FBXO33: variants seen among roughly 807,000 people sequenced by gnomAD.
FBXO33 encodes F-box only protein 33.
A neutral mutation model predicts 46.3 loss-of-function variants in FBXO33; 22 were observed. The ratio of observed to expected loss-of-function variants is 0.48; its 90% CI spans 0.34 to 0.68. The LOEUF is 0.68. Among genes scored for constraint, FBXO33 ranks in the 30% least tolerant of loss-of-function variants. FBXO33 has a pLI of 0.01. For synonymous variants in FBXO33, 337 were observed against 291.3 expected (o/e 1.16, Z -1.60); for missense variants, 692 against 708.8 (o/e 0.98, Z 0.27).
chr14:39,401,399 A>T lies in FBXO33; in HGVS notation c.1173T>A (p.Ser391Arg), dbSNP rs773294620. The T allele has an allele frequency of 8.1e-6, 13 of 1,614,200 alleles. No individual in the cohort carries two copies. The Admixed American group carries it at 2.2e-4, about 27-fold the overall frequency. The stretch of plus-strand genomic sequence containing the variant: ...CAAAATGAATCCTCTCTAGTGGTAT[A>T]CTGGGTTTCAGAATCTTTAACATAT... ...SEDMLKILKPSIPLERIHFDS... is the reference protein window; with the variant it reads ...SEDMLKILKPRIPLERIHFDS... Residue 391 changes from serine (S) to arginine (R), a missense_variant, in exon 3 of 4, where the codon AGT becomes AGA. Physicochemically the swap from Ser to Arg is moderately radical, Grantham distance 110 (BLOSUM62 -1). Transcript: ENST00000298097.
chr14:39,398,933 T>C lies in FBXO33; in HGVS notation c.*583A>G, dbSNP rs2075356157. 6.6e-6 allele frequency: 1 copy of C among 152,276 alleles called. No individual in the cohort carries two copies. The allele number at this position is 152,276 out of a possible 1,614,324, so 9.4% of individuals were successfully genotyped here. On this transcript the variant is annotated 3_prime_UTR_variant, in exon 4 of 4. Coordinates refer to ENST00000298097, the MANE Select transcript of FBXO33 (RefSeq NM_203301.4). ...TTTTTTTTAAAAGGATTAAGCAATG[T>C]TCTAACCTAGTACTATACAAAATTC...
rs1362950476 is a variant in FBXO33, at chr14:39,399,503, C to T, written c.*13G>A. The T allele has an allele frequency of 6.3e-7, 1 of 1,597,404 alleles. No individual in the cohort carries two copies. The highest frequency in any genetic ancestry group is 2.2e-5 in the East Asian group (1 of 44,662). ...TGCATATGTAACCACAGGAATTCTA[C>T]ATTAAAAAAAAGCTAAATGTCTTCA... On this transcript the variant is annotated 3_prime_UTR_variant, in exon 4 of 4. Transcript: ENST00000298097.
chr14:39,431,815 G>A lies in FBXO33; in HGVS notation c.348C>T (p.Arg116=), dbSNP rs1434409273. ...GCCGAGGCTGCTCCGCGGGCGAGAC[G>A]CGGAGGCAGATGCGGAGCTGGGGCC... ...ALWPQLRICL[R]VSPAEQPRLE... is the part of the protein sequence containing the mutation. Residue 116 remains arginine, a synonymous_variant, in exon 1 of 4, where the codon CGC becomes CGT. Coordinates refer to ENST00000298097, the MANE Select transcript of FBXO33 (RefSeq NM_203301.4). The A allele has an allele frequency of 1.2e-6, 2 of 1,610,430 alleles. No individual in the cohort carries two copies. The highest frequency in any genetic ancestry group is 1.1e-5 in the South Asian group (1 of 90,996).
At position 39,431,915 on chromosome 14, in the gene FBXO33, A is replaced by C; in HGVS notation, c.248T>G (p.Leu83Arg). 1.9e-6 allele frequency: 3 copies of C among 1,539,694 alleles called. No homozygotes were observed. The highest frequency in any genetic ancestry group is 2.6e-6 in the Non-Finnish European group (3 of 1,149,002). Residue 83 changes from leucine (L) to arginine (R), a missense_variant, in exon 1 of 4, where the codon CTG (leucine) becomes CGG (arginine). Around this residue, in one of 3 missense-constraint regions of FBXO33, gnomAD observed 412 missense variants for 370.8 expected, o/e 1.11. Transcript: ENST00000298097. ...GGCCCGCAGCCGGTCGGGCGCCGGC[A>C]GAAAAGAGAAGATGTGCACGATCAG... is the stretch of plus-strand genomic sequence containing the variant. Reference protein sequence around the residue: ...SELIVHIFSFLPAPDRLRASA... With the variant: ...SELIVHIFSFRPAPDRLRASA...
chr14:39,426,322 C>T (rs1293718158), intron 1 of FBXO33, among the ~76,000 whole-genome samples: 1 of 152,012 alleles, frequency 6.6e-6, no homozygotes, highest in Non-Finnish European at 1.5e-5. Flanking sequence ...AAAATCCATC[C>T]ACTTTTTTTC....
At chr14:39,428,070 A>G (rs1029943883) in intron 1 of FBXO33, among the ~76,000 whole-genome samples, 3 of 152,202 alleles carry the variant, frequency 2.0e-5, no homozygotes, top group African/African-American at 4.8e-5. Context: ...ATCCTTTTTA[A>G]CTTACAGGAT....
At chr14:39,423,017 G>A (rs2075492895) in intron 1 of FBXO33, among the ~76,000 whole-genome samples, 1 of 152,108 alleles carries the variant, frequency 6.6e-6, no homozygotes, top group Admixed American at 6.5e-5. Context: ...AGCTACTCGG[G>A]AGGCTGAGGC....
chr14:39,416,972 C>G (rs765918264), intron 1 of FBXO33, among the ~76,000 whole-genome samples: 20 of 152,126 alleles, frequency 1.3e-4, no homozygotes, highest in Non-Finnish European at 2.4e-4. Context: ...TCACAGAGTA[C>G]TGTTTGCTGT....
chr14:39,404,211 A>G (rs79982649), intron 1 of FBXO33, among the ~76,000 whole-genome samples: 12,623 of 152,282 alleles, frequency 0.083, 1,141 homozygotes, highest in East Asian at 0.5. Flanking sequence ...TGTGCTATAT[A>G]CTAGAGACAC....
At chr14:39,406,817 G>A (rs916612080) in intron 1 of FBXO33, among the ~76,000 whole-genome samples, 1 of 152,132 alleles carries the variant, frequency 6.6e-6, no homozygotes, top group African/African-American at 2.4e-5. Flanking sequence ...AGGTAACACG[G>A]CTCACAACTA....
intron 1 of FBXO33, among the ~76,000 whole-genome samples, chr14:39,428,538 G>T (rs1002932358): frequency 6.6e-6 from 1 of 152,058 alleles, no homozygotes; most frequent in Admixed American, 6.6e-5. Context: ...AAAAAGTACT[G>T]CCCCTAACAG....
rs186396481 is a variant in FBXO33, at chr14:39,422,432, G to C, written c.599+9132C>G. The stretch of plus-strand genomic sequence containing the variant: ...ACTACAAGCTATTCCCAACACAGTA[G>C]CCAGACTGTTCCTTTTGAAATGTCA... On this transcript the variant is annotated intron_variant, in intron 1 of 3. Transcript: ENST00000298097. 3.5e-4 allele frequency among the ~76,000 whole-genome samples: 54 copies of C among 152,272 alleles called. No homozygotes were observed. In the East Asian group the frequency reaches 0.01, roughly 29 times the overall value.
intron 3 of FBXO33, among the ~76,000 whole-genome samples, chr14:39,400,007 C>T (rs543823677): frequency 3.3e-5 from 5 of 152,144 alleles, no homozygotes; most frequent in East Asian, 3.9e-4. Flanking sequence ...CAAGAGTTAC[C>T]GCTATAGGTG....
intron 1 of FBXO33, among the ~76,000 whole-genome samples, chr14:39,419,987 A>G (rs2075473002): frequency 6.6e-6 from 1 of 152,232 alleles, no homozygotes; most frequent in South Asian, 2.1e-4. Context: ...AAGAGAATGA[A>G]TTTCTTCTAC....
At chr14:39,405,653 A>G (rs1364768796) in intron 1 of FBXO33, among the ~76,000 whole-genome samples, 1 of 152,092 alleles carries the variant, frequency 6.6e-6, no homozygotes, top group Non-Finnish European at 1.5e-5. Flanking sequence ...GAAAAACTTG[A>G]TATCCAACAG....
intron 1 of FBXO33, among the ~76,000 whole-genome samples, chr14:39,413,837 T>C (rs1284753552): frequency 6.6e-6 from 1 of 152,206 alleles, no homozygotes; most frequent in Non-Finnish European, 1.5e-5. Flanking sequence ...AAATATTCAG[T>C]AAATCATGCT....
At chr14:39,421,325 G>C (rs1200091706) in intron 1 of FBXO33, among the ~76,000 whole-genome samples, 1 of 152,130 alleles carries the variant, frequency 6.6e-6, no homozygotes, top group Non-Finnish European at 1.5e-5. Context: ...ACCTTAAGGA[G>C]TATACGTGAT....
intron 1 of FBXO33, among the ~76,000 whole-genome samples, chr14:39,416,545 T>A (rs10139591): frequency 6.6e-6 from 1 of 152,150 alleles, no homozygotes; most frequent in Non-Finnish European, 1.5e-5. Flanking sequence ...TTTATTTTGC[T>A]CTGCTAATTT....
chr14:39,421,649 C>A (rs1166852904), intron 1 of FBXO33, among the ~76,000 whole-genome samples: 1 of 151,938 alleles, frequency 6.6e-6, no homozygotes, highest in Non-Finnish European at 1.5e-5. Flanking sequence ...ACAGACTAAC[C>A]CAAATTTATA....
Sources: gnomAD v4.1 joint callset for allele counts (sites outside exome capture counted in the v4.1 genomes callset) on GRCh38, gnomAD v4.1.1 for gene constraint, gnomAD v4.1.1 regional missense constraint, MANE v1.5 for transcripts, NCBI Gene and HGNC (gene_info 2026-07-23, HGNC 2026-07-21) for gene names.